Variants in SUB1 observed in about 807,000 individuals in gnomAD.
SUB1 encodes SUB1 regulator of transcription.
A neutral mutation model predicts 16.9 loss-of-function variants in SUB1; 1 was observed. That is an observed-to-expected ratio of 0.06 (90% CI 0.02 to 0.28). SUB1 has a LOEUF of 0.28. Among genes scored for constraint, SUB1 ranks in the 10% least tolerant of loss-of-function variants. The pLI is 1.00. For missense variants in SUB1, 84 were observed against 145.2 expected (o/e 0.58, Z 2.16); for synonymous variants, 51 against 46.9 (o/e 1.09, Z -0.36).
At chr5:32,588,415 G>A in intron 1 of SUB1, 97 bp from the exon 2 acceptor site, 1 of 1,076,288 alleles carries the variant, frequency 9.3e-7, no homozygotes, top group Non-Finnish European at 1.3e-6. Context: ...ATGAACCGTG[G>A]AACTTGTCCT....
chr5:32,598,797 A>T, intron 3 of SUB1, 164 bp from the exon 4 acceptor site: 1 of 461,140 alleles, frequency 2.2e-6, no homozygotes, highest in Admixed American at 4.3e-5. Flanking sequence ...TATGCATATA[A>T]GTGGGACCTG....
chr5:32,586,667 G>A (rs1738677571), intron 1 of SUB1, among the ~76,000 whole-genome samples: 1 of 152,176 alleles, frequency 6.6e-6, no homozygotes, highest in Admixed American at 6.5e-5. Flanking sequence ...GTTTCAAAGT[G>A]AAAAATTATG....
At chr5:32,591,772 C>G in intron 3 of SUB1, 87 bp downstream of exon 3, 1 of 1,393,248 alleles carries the variant, frequency 7.2e-7, no homozygotes, top group Non-Finnish European at 9.4e-7. Context: ...GCCATCTCGG[C>G]TCACTGCAAC....
At chr5:32,587,035 TAAAC>T (rs1044219968) in intron 1 of SUB1, among the ~76,000 whole-genome samples, 8 of 152,238 alleles carry the variant, frequency 5.3e-5, no homozygotes, top group South Asian at 2.1e-4. Flanking sequence ...TTTCTTGTAT[TAAAC>T]AAATACAGTG....
intron 3 of SUB1, chr5:32,598,292 T>C (rs1358975645): frequency 1.3e-5 from 2 of 152,190 alleles, no homozygotes; most frequent in Non-Finnish European, 2.9e-5. Context: ...GCACTTTGTA[T>C]AGGACTCATG....
Position 32,602,311 on chromosome 5 carries a change from T to A in SUB1, c.*1227T>A. On this transcript the variant is annotated 3_prime_UTR_variant, in exon 5 of 5. Coordinates refer to ENST00000265073, the MANE Select transcript of SUB1 (RefSeq NM_006713.4). ...TAACTGAAATTAAAGGAGGCGGCAG[T>A]GAAGAGGAAATAATTCTCTTCTATC... 4.6e-6 allele frequency: 2 copies of A among 436,760 alleles called. No individual in the cohort carries two copies. Among genetic ancestry groups the A allele is most frequent in the South Asian group, 3.3e-5 (2 of 61,404 alleles). The allele number at this position is 436,760 out of a possible 1,614,324, so 27.1% of individuals were successfully genotyped here.
At chr5:32,591,961 G>A (rs969888211) in intron 3 of SUB1, among the ~76,000 whole-genome samples, 1 of 152,186 alleles carries the variant, frequency 6.6e-6, no homozygotes, top group Non-Finnish European at 1.5e-5. Context: ...GCCTCCAAAA[G>A]TGCTGGGTTT....
intron 2 of SUB1, among the ~76,000 whole-genome samples, chr5:32,590,425 A>G (rs1159582844): frequency 2.0e-5 from 3 of 151,774 alleles, no homozygotes; most frequent in Non-Finnish European, 2.9e-5. Context: ...TAAGCTTTTA[A>G]AATAATGCTG....
Position 32,588,603 on chromosome 5 carries a change from A to G in SUB1, c.72+19A>G. 6.2e-7 allele frequency: 1 copy of G among 1,609,530 alleles called. No homozygotes were observed. Among genetic ancestry groups the G allele is most frequent in the South Asian group, 1.1e-5 (1 of 90,608 alleles). ...CAAAAAGGTGACTACTGCTGCACCA[A>G]GTCATTTTGGTGATACTCAACAATA... On this transcript the variant is annotated intron_variant, in intron 2 of 4. Coordinates refer to ENST00000265073, the MANE Select transcript of SUB1 (RefSeq NM_006713.4).
chr5:32,601,097 A>G lies in SUB1; in HGVS notation c.*13A>G, dbSNP rs746402573. 6.2e-7 allele frequency: 1 copy of G among 1,606,248 alleles called. No individual in the cohort carries two copies. The highest frequency in any genetic ancestry group is 8.5e-7 in the Non-Finnish European group (1 of 1,174,804). ...AAGAAAACTGTAAAATTCGAGCCATATAAATAAAACCTGTACTGTTCTAGT... is the reference window on the plus strand; with the variant it reads ...AAGAAAACTGTAAAATTCGAGCCATGTAAATAAAACCTGTACTGTTCTAGT... On this transcript the variant is annotated 3_prime_UTR_variant, in exon 5 of 5. Coordinates refer to ENST00000265073, the MANE Select transcript of SUB1 (RefSeq NM_006713.4).
At chr5:32,587,383 A>G (rs1000345412) in intron 1 of SUB1, among the ~76,000 whole-genome samples, 2 of 152,180 alleles carry the variant, frequency 1.3e-5, no homozygotes, top group African/African-American at 2.4e-5. Flanking sequence ...GCTTTCTGCA[A>G]ACTTGCACTC....
chr5:32,593,542 G>A (rs183880015), intron 3 of SUB1, among the ~76,000 whole-genome samples: 645 of 152,284 alleles, frequency 4.2e-3, no homozygotes, highest in Non-Finnish European at 6.1e-3. Context: ...GTTAAGAGGA[G>A]TTTTGTGAAA....
chr5:32,598,953 T>C lies in SUB1; in HGVS notation c.196-8T>C. On this transcript the variant is annotated splice_region_variant and splice_polypyrimidine_tract_variant and intron_variant, in intron 3 of 4. Transcript: ENST00000265073. ...GAGCACCTCTTTTTATGTTTGTTTC[T>C]TTTGCAGATTGGGAAAATGAGGTAC... 6.2e-7 allele frequency: 1 copy of C among 1,605,986 alleles called. No homozygotes were observed. The highest frequency in any genetic ancestry group is 1.1e-5 in the South Asian group (1 of 90,604).
chr5:32,586,512 A>T (rs1396251270), intron 1 of SUB1: 1 of 151,802 alleles, frequency 6.6e-6, no homozygotes, highest in African/African-American at 2.4e-5. Context: ...GTAAATATAT[A>T]TTTGTTAAAA....
rs188462632 is a variant in SUB1 at position 32,593,774 on chromosome 5, A to G, written c.195+2089A>G. Among the ~76,000 whole-genome samples the G allele has an allele frequency of 7.3e-3, 1,115 of 152,038 alleles. 5 individuals carry two copies. Among genetic ancestry groups the G allele is most frequent in the Non-Finnish European group, 0.012 (796 of 67,980 alleles). ...GTAGCACGAATCTCGGCTCACTGCAACCTCCGCCTCCTGGGTTCAAGAGAT... is the reference window on the plus strand; with the variant it reads ...GTAGCACGAATCTCGGCTCACTGCAGCCTCCGCCTCCTGGGTTCAAGAGAT... On this transcript the variant is annotated intron_variant, in intron 3 of 4. Transcript: ENST00000265073.
chr5:32,592,622 A>G (rs748956641), intron 3 of SUB1, among the ~76,000 whole-genome samples: 17 of 152,206 alleles, frequency 1.1e-4, no homozygotes, highest in Non-Finnish European at 2.2e-4. Context: ...TAAAGAAGAA[A>G]TTATGCCAAT....
rs181767182 is a variant in SUB1 at position 32,601,089 on chromosome 5, C to T, written c.*5C>T. On this transcript the variant is annotated 3_prime_UTR_variant, in exon 5 of 5. Coordinates refer to ENST00000265073, the MANE Select transcript of SUB1 (RefSeq NM_006713.4). The stretch of plus-strand genomic sequence containing the variant: ...GATGCAGTAAGAAAACTGTAAAATT[C>T]GAGCCATATAAATAAAACCTGTACT... The T allele has an allele frequency of 7.6e-5, 122 of 1,608,674 alleles. No homozygotes were observed. The East Asian group carries it at 2.1e-3, about 28-fold the overall frequency.
At chr5:32,592,781 C>T (rs972911267) in intron 3 of SUB1, among the ~76,000 whole-genome samples, 2 of 151,974 alleles carry the variant, frequency 1.3e-5, no homozygotes, top group African/African-American at 4.8e-5. Context: ...GTGGGATTAT[C>T]AGCATGGTTG....
chr5:32,590,823 A>G (rs1031481994), intron 2 of SUB1, among the ~76,000 whole-genome samples: 10 of 127,424 alleles, frequency 7.8e-5, no homozygotes, highest in Admixed American at 2.8e-4. Flanking sequence ...GCTGGAGTGC[A>G]ATGGCACGAT....
Sources: allele counts gnomAD v4.1 joint callset (sites outside exome capture counted in the v4.1 genomes callset), GRCh38; gene constraint gnomAD v4.1.1; transcripts MANE v1.5; gene names NCBI Gene and HGNC (gene_info 2026-07-23, HGNC 2026-07-21).